Variants in DCHS1 observed in about 807,000 individuals in gnomAD.
DCHS1 encodes protocadherin-16.
DCHS1 carries 78 observed loss-of-function variants against 213.9 expected under a neutral mutation model. The observed-to-expected ratio is 0.36, with a 90% CI of 0.30 to 0.44. The LOEUF is 0.44. Ranked by LOEUF, DCHS1 falls within the 20% of genes least tolerant of loss-of-function variation. The probability of loss-of-function intolerance (pLI) is 1.00; values close to 1 mark genes in which losing one functional copy is unlikely to be tolerated. For synonymous variants in DCHS1, 1,828 were observed against 1,873.7 expected (o/e 0.98, Z 0.63); for missense variants, 3,946 against 4,395.9 (o/e 0.90, Z 2.89).
At position 6,622,298 on chromosome 11, in the gene DCHS1, GCT is replaced by G; in HGVS notation, c.9376_9377del (p.Ser3126ProfsTer36). 6.2e-7 allele frequency: 1 copy of G among 1,606,548 alleles called. No homozygotes were observed. The highest frequency in any genetic ancestry group is 1.1e-5 in the South Asian group (1 of 90,002). On this transcript the variant is annotated frameshift_variant, in exon 21 of 21. Coordinates refer to ENST00000299441, the MANE Select transcript of DCHS1 (RefSeq NM_003737.4). LOFTEE classifies it high-confidence loss of function. The surrounding 1 kb of genome is among the most constrained non-coding windows in gnomAD (Gnocchi z 5.4). Reference sequence around the variant, plus strand: ...AGCCATAGTCCCCAGTGGGTGCAGGGCTCAGGCCACAGCCCCCCAGGAAGGCT... The same window carrying G: ...AGCCATAGTCCCCAGTGGGTGCAGGGCAGGCCACAGCCCCCCAGGAAGGCT... Reference protein sequence around the residue: ...ATAFLGGCGLSPAPTGDYGFP... With the variant: ...ATAFLGGCGLXPAPTGDYGFP...
chr11:6,629,799 G>A lies in DCHS1; in HGVS notation c.4908C>T (p.Thr1636=), dbSNP rs1295718599. 6.2e-7 allele frequency: 1 copy of A among 1,613,524 alleles called. No homozygotes were observed. Among genetic ancestry groups the A allele is most frequent in the Non-Finnish European group, 8.5e-7 (1 of 1,179,906 alleles). The change falls in exon 11 of 21, where the codon ACC becomes ACT. Residue 1636 remains threonine (T), a synonymous_variant. Coordinates refer to ENST00000299441, the MANE Select transcript of DCHS1 (RefSeq NM_003737.4). The part of the protein sequence containing the change: ...SPPRSATQVL[T]VSVADVNDEA... ...CGTCGTTGACGTCAGCGACACTGAC[G>A]GTCAGGACCTGCGTGGCCGAGCGCG...
chr11:6,640,385 C>T lies in DCHS1; in HGVS notation c.1229G>A (p.Gly410Asp), dbSNP rs757896247. The change falls in exon 2 of 21, where the codon GGC (glycine) becomes GAC (aspartate). Residue 410 changes from glycine (G) to aspartate (D), a missense_variant. This residue lies in a region of DCHS1 where 3,384 missense variants were observed against 3,780.1 expected (regional missense o/e 0.90). Transcript: ENST00000299441. The surrounding 1 kb of genome is among the most constrained non-coding windows in gnomAD (Gnocchi z 6.5). ...HVNVSLEGGE[G>D]HFALSTQDSV... ...GTCTTGGGTGCTTAGGGCAAAGTGGCCCTCTCCACCTTCCAGGGACACATT... is the reference window on the plus strand; with the variant it reads ...GTCTTGGGTGCTTAGGGCAAAGTGGTCCTCTCCACCTTCCAGGGACACATT... The T allele has an allele frequency of 6.2e-7, 1 of 1,613,764 alleles. No individual in the cohort carries two copies. Among genetic ancestry groups the T allele is most frequent in the Non-Finnish European group, 8.5e-7 (1 of 1,179,770 alleles).
intron 2 of DCHS1, among the ~76,000 whole-genome samples, chr11:6,635,715 C>A (rs1445056464): frequency 6.6e-6 from 1 of 152,204 alleles, no homozygotes; most frequent in Non-Finnish European, 1.5e-5. Flanking sequence ...CTACATCAAT[C>A]CTGGCAGGCA....
At position 6,631,936 on chromosome 11, in the gene DCHS1, G is replaced by T. The variant is rs145239157; in HGVS notation, c.3481+95C>A. 122 of 1,449,700 alleles carry T rather than the reference G, an allele frequency of 8.4e-5. 2 individuals carry two copies. In the South Asian group the frequency reaches 1.6e-3, roughly 19 times the overall value. 89.8% of individuals were successfully genotyped at this position (1,449,700 alleles called of 1,614,324 possible). A position where few individuals can be genotyped will look rare whatever the true frequency, so the allele number is the denominator to read the frequency against. Reference sequence around the variant, plus strand: ...CAGGGCTAAATCCTCATTCTCAGGGGCGAGATGGGAGCTGGGGGTTGGGGA... The same window carrying T: ...CAGGGCTAAATCCTCATTCTCAGGGTCGAGATGGGAGCTGGGGGTTGGGGA... On this transcript the variant is annotated intron_variant, in intron 6 of 20. Transcript: ENST00000299441.
In DCHS1 at chr11:6,626,270, G is replaced by A. The variant is rs746640097; in HGVS notation, c.6475C>T (p.Leu2159=). The change falls in exon 16 of 21, where the codon CTG becomes TTG. Residue 2159 remains leucine, a synonymous_variant. Coordinates refer to ENST00000299441, the MANE Select transcript of DCHS1 (RefSeq NM_003737.4). This position sits in a 1 kb window ranked among gnomAD's most constrained non-coding sequence, Gnocchi z 5.2. ...TTGTCGTTGGCATCTTGCAGGGTCA[G>A]GGTCAGCACAGTGAAGGCAAAGGCT... is the stretch of plus-strand genomic sequence containing the variant. ...GGAFAFTVLT[L]TLQDANDNAP... is the part of the protein sequence containing the mutation. 1.2e-6 allele frequency: 2 copies of A among 1,613,186 alleles called. No homozygotes were observed. The highest frequency in any genetic ancestry group is 1.7e-6 in the Non-Finnish European group (2 of 1,179,526).
At position 6,621,637 on chromosome 11, in the gene DCHS1, G is replaced by T. The variant is rs1411567532; in HGVS notation, c.*142C>A. 1.1e-6 allele frequency: 1 copy of T among 931,390 alleles called. No homozygotes were observed. The allele number at this position is 931,390 out of a possible 1,614,324, so 57.7% of individuals were successfully genotyped here. On this transcript the variant is annotated 3_prime_UTR_variant, in exon 21 of 21. Transcript: ENST00000299441. ...GTCCTAGTACTCTGAGGGGGCTGGG[G>T]AGTTCAGGGTGGAGAGCTGGGGCCT...
At position 6,640,248 on chromosome 11, in the gene DCHS1, C is replaced by G. The variant is rs768050697; in HGVS notation, c.1366G>C (p.Ala456Pro). The change falls in exon 2 of 21, where the codon GCT (alanine) becomes CCT (proline). Residue 456 changes from alanine (A) to proline (P), a missense_variant. Coordinates refer to ENST00000299441, the MANE Select transcript of DCHS1 (RefSeq NM_003737.4). The surrounding 1 kb of genome is among the most constrained non-coding windows in gnomAD (Gnocchi z 6.5). The part of the protein sequence containing the change: ...DSGSPPLRAE[A>P]AFVLHVTDVN... ...TCAGTGACGTGCAGCACAAAGGCAG[C>G]CTCAGCCCGCAGTGGAGGTGAGCCT... 1 of 1,611,246 alleles carries G rather than the reference C, an allele frequency of 6.2e-7. No homozygotes were observed. Among genetic ancestry groups the G allele is most frequent in the Non-Finnish European group, 8.5e-7 (1 of 1,178,688 alleles).
At chr11:6,634,410 G>C in intron 2 of DCHS1, 104 bp from the exon 3 acceptor site, 1 of 1,299,060 alleles carries the variant, frequency 7.7e-7, no homozygotes, top group Admixed American at 2.8e-5. Flanking sequence ...CTGGATGGCG[G>C]ACACACAGAG....
Position 6,651,364 on chromosome 11 carries a change from T to A in DCHS1, c.-121+4199A>T, listed in dbSNP as rs545119167. Among the ~76,000 whole-genome samples, 6 of 152,064 alleles carry A rather than the reference T, an allele frequency of 3.9e-5. No homozygotes were observed. In the South Asian group the frequency reaches 1.0e-3, roughly 26 times the overall value. On this transcript the variant is annotated intron_variant, in intron 1 of 20. Transcript: ENST00000299441. ...GTGTCTTTGGTGAACTACAGGAAAT[T>A]CAGTATGGCTGAAACTCAAAACGTG... is the stretch of plus-strand genomic sequence containing the variant.
chr11:6,636,557 T>C (rs1444528090), intron 2 of DCHS1, among the ~76,000 whole-genome samples: 1 of 152,140 alleles, frequency 6.6e-6, no homozygotes, highest in Non-Finnish European at 1.5e-5. Flanking sequence ...CCAGGCTGGT[T>C]TGGAACTCTT....
chr11:6,642,279 A>G (rs1856089439), intron 1 of DCHS1, among the ~76,000 whole-genome samples: 1 of 152,108 alleles, frequency 6.6e-6, no homozygotes, highest in Non-Finnish European at 1.5e-5. Flanking sequence ...AGCACCTACA[A>G]TATAGAGGCA....
chr11:6,647,161 T>C (rs1856171859), intron 1 of DCHS1, among the ~76,000 whole-genome samples: 1 of 151,926 alleles, frequency 6.6e-6, no homozygotes, highest in Admixed American at 6.5e-5. Context: ...GGGGTGAGGA[T>C]ACAGGGCCAG....
chr11:6,621,592 T>G lies in DCHS1; in HGVS notation c.*187A>C, dbSNP rs1194952276. On this transcript the variant is annotated 3_prime_UTR_variant, in exon 21 of 21. Transcript: ENST00000299441. ...CACATTGGACCTGGTCACAGGTCAGTGAGCAACAGGGCTTCTGTGGTCCTA... is the reference window on the plus strand; with the variant it reads ...CACATTGGACCTGGTCACAGGTCAGGGAGCAACAGGGCTTCTGTGGTCCTA... The G allele has an allele frequency of 1.3e-6, 1 of 742,956 alleles. No individual in the cohort carries two copies. The highest frequency in any genetic ancestry group is 1.7e-5 in the African/African-American group (1 of 58,092). The allele number at this position is 742,956 out of a possible 1,614,324, so 46.0% of individuals were successfully genotyped here. A position where few individuals can be genotyped will look rare whatever the true frequency, so the allele number is the denominator to read the frequency against.
intron 1 of DCHS1, among the ~76,000 whole-genome samples, chr11:6,648,273 T>G (rs1010382285): frequency 1.3e-5 from 2 of 152,074 alleles, no homozygotes; most frequent in East Asian, 3.8e-4. Context: ...GACAGAACCC[T>G]GAGAACTAGT....
intron 1 of DCHS1, among the ~76,000 whole-genome samples, chr11:6,654,966 C>T (rs1177185287): frequency 1.3e-5 from 2 of 148,606 alleles, no homozygotes; most frequent in African/African-American, 5.1e-5. Context: ...TTGCTCCAAT[C>T]TCCCACTCAG....
chr11:6,646,994 A>C (rs1856167925), intron 1 of DCHS1, among the ~76,000 whole-genome samples: 1 of 152,032 alleles, frequency 6.6e-6, no homozygotes, highest in African/African-American at 2.4e-5. Flanking sequence ...GCTGAAGGGG[A>C]AACAGGCTGG....
rs138597422 is a variant in DCHS1, at chr11:6,640,354, G to A, written c.1260C>T (p.Val420=). The change falls in exon 2 of 21, where the codon GTC becomes GTT. Residue 420 remains valine, a synonymous_variant. Coordinates refer to ENST00000299441, the MANE Select transcript of DCHS1 (RefSeq NM_003737.4). The surrounding 1 kb of genome is among the most constrained non-coding windows in gnomAD (Gnocchi z 6.5). ...GCCGAGCCACACACACCAGATAGAT[G>A]ACGCTGTCTTGGGTGCTTAGGGCAA... ...GHFALSTQDS[V]IYLVCVARRL... 43 of 1,612,994 alleles carry A rather than the reference G, an allele frequency of 2.7e-5. No homozygotes were observed. The African/African-American group carries it at 5.1e-4, about 19-fold the overall frequency.
chr11:6,647,710 G>A (rs1856184354), intron 1 of DCHS1, among the ~76,000 whole-genome samples: 1 of 152,198 alleles, frequency 6.6e-6, no homozygotes, highest in Admixed American at 6.5e-5. Context: ...AGTTAACACA[G>A]CCTTAATTTG....
intron 2 of DCHS1, 129 bp downstream of exon 2, chr11:6,639,688 A>G (rs1856035370): frequency 1.3e-6 from 1 of 799,590 alleles, no homozygotes. Flanking sequence ...AGCTTACAAC[A>G]TAGGGCAGAA....
Sources: gnomAD v4.1 joint callset for allele counts (sites outside exome capture counted in the v4.1 genomes callset) on GRCh38, gnomAD v4.1.1 for gene constraint, gnomAD v4.1.1 regional missense constraint, Gnocchi (gnomAD v3.1) non-coding constraint, MANE v1.5 for transcripts, NCBI Gene and HGNC (gene_info 2026-07-23, HGNC 2026-07-21) for gene names.